Variants in TPO observed in about 807,000 individuals in gnomAD.
TPO encodes the protein thyroid microsomal antigen.
Under a neutral mutation model 96.9 loss-of-function variants are expected in TPO, and 78 were observed. The ratio of observed to expected loss-of-function variants is 0.81; its 90% CI spans 0.67 to 0.97. The LOEUF is 0.97. Among genes scored for constraint, TPO ranks in the 50% least tolerant of loss-of-function variants. TPO has a pLI of 0.00. For missense variants in TPO, 1,252 were observed against 1,274.8 expected, an observed-to-expected ratio of 0.98 and a Z score of 0.27; for synonymous variants, 547 against 538.0, an observed-to-expected ratio of 1.02 and a Z score of -0.23.
intron 7 of TPO, among the ~76,000 whole-genome samples, chr2:1,466,383 A>C (rs1319935969): frequency 6.6e-6 from 1 of 152,122 alleles, no homozygotes; most frequent in Non-Finnish European, 1.5e-5. Flanking sequence ...TGGTTTTACT[A>C]TTAGGGTGAT....
chr2:1,436,278 A>G lies in TPO; in HGVS notation c.376A>G (p.Ile126Val), dbSNP rs1665559819. ...TDALSEDLLS[I>V]IANMSGCLPY... ...TGCTTTATCAGAAGATCTGCTGAGC[A>G]TCATTGCAAACATGTCTGGATGTCT... Residue 126 changes from isoleucine to valine, a missense_variant, in exon 5 of 17, where the codon ATC becomes GTC. By Grantham distance (29) the Ile-to-Val change is conservative. Transcript: ENST00000329066. The G allele has an allele frequency of 6.2e-7, 1 of 1,614,258 alleles. No individual in the cohort carries two copies. Among genetic ancestry groups the G allele is most frequent in the Non-Finnish European group, 8.5e-7 (1 of 1,180,052 alleles).
At chr2:1,527,572 G>A (rs1358051026) in intron 15 of TPO, among the ~76,000 whole-genome samples, 1 of 144,252 alleles carries the variant, frequency 6.9e-6, no homozygotes, top group South Asian at 2.3e-4. Context: ...AATACCAACT[G>A]TGTGCAACCT....
chr2:1,427,301 G>A (rs934932204), intron 3 of TPO, among the ~76,000 whole-genome samples: 2 of 152,228 alleles, frequency 1.3e-5, no homozygotes, highest in African/African-American at 4.8e-5. Context: ...AGAGTGCAGT[G>A]TGTTCTGAAG....
chr2:1,527,948 G>A (rs1283613389), intron 15 of TPO, among the ~76,000 whole-genome samples: 8 of 111,390 alleles, frequency 7.2e-5, no homozygotes, highest in South Asian at 5.7e-4. Context: ...CCCCCACTGC[G>A]TGCAACCTCC....
intron 14 of TPO, among the ~76,000 whole-genome samples, chr2:1,507,456 T>G (rs1163497862): frequency 2.6e-5 from 4 of 152,222 alleles, no homozygotes; most frequent in African/African-American, 9.7e-5. Flanking sequence ...TGGCATTGAA[T>G]CTATAAATTA....
chr2:1,526,406 C>A (rs1354156284), intron 15 of TPO, among the ~76,000 whole-genome samples: 2 of 84,092 alleles, frequency 2.4e-5, no homozygotes, highest in Non-Finnish European at 4.5e-5. Context: ...GCAACCCCCC[C>A]AAATCAACAT....
At chr2:1,423,953 T>C (rs1459122021) in intron 3 of TPO, among the ~76,000 whole-genome samples, 3 of 152,320 alleles carry the variant, frequency 2.0e-5, no homozygotes, top group East Asian at 1.9e-4. Context: ...TGGGGGTGGA[T>C]ACCAAGTGCG....
At chr2:1,468,489 T>G (rs542440899) in intron 7 of TPO, among the ~76,000 whole-genome samples, 1 of 152,306 alleles carries the variant, frequency 6.6e-6, no homozygotes, top group East Asian at 1.9e-4. Flanking sequence ...GGATACCACA[T>G]TTTTGGTGGA....
rs1313965627 is a variant in TPO at position 1,477,164 on chromosome 2, G to A, written c.898G>A (p.Asp300Asn). 1.2e-6 allele frequency: 2 copies of A among 1,610,000 alleles called. No homozygotes were observed. The highest frequency in any genetic ancestry group is 1.3e-5 in the African/African-American group (1 of 74,904). The change falls in exon 8 of 17, where the codon GAC becomes AAC. Residue 300 changes from aspartate (D) to asparagine (N), a missense_variant. Physicochemically the swap from Asp to Asn is conservative, Grantham distance 23 (BLOSUM62 1). Coordinates refer to ENST00000329066, the MANE Select transcript of TPO (RefSeq NM_001206744.2). ...CTCTTCGGCCGCCTGCGGCACCGGG[G>A]ACCAAGGCGCGCTCTTTGGGAACCT... ...YRSSAACGTG[D>N]QGALFGNLST...
chr2:1,442,713 T>C (rs950553068), intron 5 of TPO, among the ~76,000 whole-genome samples: 1 of 152,250 alleles, frequency 6.6e-6, no homozygotes, highest in Non-Finnish European at 1.5e-5. Flanking sequence ...ACTTCATGTC[T>C]TGCTTAGTTT....
intron 1 of TPO, among the ~76,000 whole-genome samples, chr2:1,382,057 A>G (rs532636902): frequency 6.6e-6 from 1 of 152,274 alleles, no homozygotes; most frequent in African/African-American, 2.4e-5. Flanking sequence ...GATCACCTGC[A>G]GTCTATCTTT....
intron 15 of TPO, among the ~76,000 whole-genome samples, chr2:1,535,370 A>C (rs1679374844): frequency 2.1e-5 from 1 of 47,302 alleles, no homozygotes; most frequent in African/African-American, 8.3e-5. Flanking sequence ...CACTGTGTGC[A>C]ACCTCCTCAA....
At chr2:1,392,725 G>C (rs112196341) in intron 1 of TPO, among the ~76,000 whole-genome samples, 98 of 152,238 alleles carry the variant, frequency 6.4e-4, no homozygotes, top group African/African-American at 2.2e-3. Flanking sequence ...AGTCTTGGGA[G>C]GGTGTGTTTG....
chr2:1,451,721 A>G (rs1482953841), intron 5 of TPO, among the ~76,000 whole-genome samples: 1 of 152,190 alleles, frequency 6.6e-6, no homozygotes, highest in Non-Finnish European at 1.5e-5. Flanking sequence ...TGGAACCCGG[A>G]TATCATGACA....
chr2:1,506,026 T>A (rs1305786400), intron 14 of TPO, among the ~76,000 whole-genome samples: 9 of 151,498 alleles, frequency 5.9e-5, no homozygotes, highest in Non-Finnish European at 1.5e-5. Context: ...CCTAATGCTA[T>A]CCTTCCCCCC....
At chr2:1,485,502 A>C (rs763646426) in intron 9 of TPO, among the ~76,000 whole-genome samples, 2 of 151,932 alleles carry the variant, frequency 1.3e-5, no homozygotes, top group Non-Finnish European at 2.9e-5. Context: ...CAATGGTTGA[A>C]CTACTTTACA....
intron 1 of TPO, among the ~76,000 whole-genome samples, chr2:1,387,654 G>A (rs1041615057): frequency 2.6e-5 from 4 of 152,110 alleles, no homozygotes; most frequent in Non-Finnish European, 5.9e-5. Context: ...CGATGGGCTC[G>A]AACTTCCTCC....
chr2:1,438,879 C>T, intron 5 of TPO: 3 of 717,126 alleles, frequency 4.2e-6, no homozygotes, highest in Non-Finnish European at 7.8e-6. Context: ...TAGGAACCTT[C>T]CAGCAGGACA....
intron 9 of TPO, among the ~76,000 whole-genome samples, chr2:1,487,262 T>G (rs1671260255): frequency 6.6e-6 from 1 of 152,130 alleles, no homozygotes; most frequent in Non-Finnish European, 1.5e-5. Flanking sequence ...CTTTAAAAAC[T>G]GGTGGGCTCC....
Sources: gnomAD v4.1 joint callset for allele counts (sites outside exome capture counted in the v4.1 genomes callset) on GRCh38, gnomAD v4.1.1 for gene constraint, MANE v1.5 for transcripts, NCBI Gene and HGNC (gene_info 2026-07-23, HGNC 2026-07-21) for gene names.